Variants in WDFY3 observed in about 807,000 individuals in gnomAD.
WDFY3 encodes WD repeat and FYVE domain-containing protein 3.
Under a neutral mutation model 409.6 loss-of-function variants are expected in WDFY3, and 66 were observed. The ratio of observed to expected loss-of-function variants is 0.16; its 90% CI spans 0.13 to 0.20. The LOEUF is 0.20. Among genes scored for constraint, WDFY3 ranks in the 10% least tolerant of loss-of-function variants. WDFY3 has a pLI of 1.00. For synonymous variants in WDFY3, 1,521 were observed against 1,537.1 expected (o/e 0.99, Z 0.25); for missense variants, 3,031 against 4,298.1 (o/e 0.71, Z 8.24).
At chr4:84,937,253 A>AT (rs1324838706) in intron 1 of WDFY3, among the ~76,000 whole-genome samples, 6 of 152,114 alleles carry the variant, frequency 3.9e-5, no homozygotes, top group Non-Finnish European at 2.9e-5. Flanking sequence ...TATCTGCAGC[A>AT]TTTGGCATGA....
At chr4:84,722,881 T>A (rs1304187132) in intron 46 of WDFY3, among the ~76,000 whole-genome samples, 4 of 152,148 alleles carry the variant, frequency 2.6e-5, no homozygotes, top group Non-Finnish European at 5.9e-5. Context: ...TTTGAACAAG[T>A]GTAATAAGTA....
rs370834101 is a variant in WDFY3, at chr4:84,740,240, G to A, written c.6411C>T (p.Asp2137=). Residue 2137 remains aspartate, a synonymous_variant, in exon 39 of 68, where the codon GAC becomes GAT. Coordinates refer to ENST00000295888, the MANE Select transcript of WDFY3 (RefSeq NM_014991.6). ...GGGCCAGACAGCTAATGAATTCTTGGTCATGGTTCCCAGGTCCCAGGATCA... is the reference window on the plus strand; with the variant it reads ...GGGCCAGACAGCTAATGAATTCTTGATCATGGTTCCCAGGTCCCAGGATCA... ...RNLILGPGNH[D]QEFISCLAHC... is the part of the protein sequence containing the mutation. The A allele has an allele frequency of 4.5e-5, 72 of 1,613,896 alleles. No individual in the cohort carries two copies. Among genetic ancestry groups the A allele is most frequent in the Admixed American group, 1.2e-4 (7 of 59,970 alleles).
intron 49 of WDFY3, among the ~76,000 whole-genome samples, chr4:84,716,249 A>AAC (rs1733880153): frequency 7.1e-6 from 1 of 140,936 alleles, no homozygotes. Context: ...CATCCTGGCT[A>AAC]ACATGGTGAA....
intron 13 of WDFY3, 86 bp downstream of exon 13, chr4:84,817,306 C>T: frequency 6.6e-7 from 1 of 1,516,106 alleles, no homozygotes; most frequent in African/African-American, 1.4e-5. Flanking sequence ...TTTTTAATTT[C>T]CCTGTCTCTA....
intron 56 of WDFY3, among the ~76,000 whole-genome samples, chr4:84,699,159 C>A (rs1162502114): frequency 6.6e-6 from 1 of 152,004 alleles, no homozygotes; most frequent in East Asian, 1.9e-4. Context: ...CTATCTAGTC[C>A]CAAAGCATTT....
rs371122887 is a variant in WDFY3, at chr4:84,766,407, T to C, written c.4850-35A>G. 9 of 1,541,466 alleles carry C rather than the reference T, an allele frequency of 5.8e-6. No homozygotes were observed. The East Asian group carries it at 1.4e-4, about 24-fold the overall frequency. On this transcript the variant is annotated intron_variant, in intron 30 of 67. Transcript: ENST00000295888. ...AAATAAATACATTAAATCTCCCTAG[T>C]AGATAAGCTAAAAGAAAATTTACAA...
chr4:84,959,231 T>C (rs954057403), intron 1 of WDFY3, among the ~76,000 whole-genome samples: 3 of 152,136 alleles, frequency 2.0e-5, no homozygotes, highest in Non-Finnish European at 2.9e-5. Flanking sequence ...GAGTTTTTTA[T>C]AGACTGCAAC....
At chr4:84,818,784 T>G (rs1753674091) in intron 12 of WDFY3, among the ~76,000 whole-genome samples, 1 of 152,118 alleles carries the variant, frequency 6.6e-6, no homozygotes, top group African/African-American at 2.4e-5. Context: ...AGTAACATCT[T>G]TCATACTGGG....
At position 84,691,702 on chromosome 4, in the gene WDFY3, T is replaced by C. The variant is rs757493000; in HGVS notation, c.9133A>G (p.Thr3045Ala). 1.5e-5 allele frequency: 24 copies of C among 1,614,016 alleles called. No individual in the cohort carries two copies. The highest frequency in any genetic ancestry group is 1.2e-4 in the African/African-American group (9 of 74,914). The change falls in exon 60 of 68, where the codon ACC becomes GCC. Residue 3045 changes from threonine to alanine, a missense_variant. Thr to Ala is a moderately conservative substitution (Grantham distance 58). This residue lies in a region of WDFY3 where 152 missense variants were observed against 193.5 expected (regional missense o/e 0.79). Transcript: ENST00000295888. ...VEQNKVLIPPTWNKTFAWGYA... is the reference protein window; with the variant it reads ...VEQNKVLIPPAWNKTFAWGYA... ...CCCCAAGCAAAAGTTTTATTCCAGGTTGGTGGGATAAGAACCTTATTCTGT... is the reference window on the plus strand; with the variant it reads ...CCCCAAGCAAAAGTTTTATTCCAGGCTGGTGGGATAAGAACCTTATTCTGT...
intron 44 of WDFY3, among the ~76,000 whole-genome samples, chr4:84,730,063 GGT>G (rs1560613625): frequency 2.6e-5 from 4 of 152,110 alleles, no homozygotes; most frequent in Non-Finnish European, 5.9e-5. Flanking sequence ...TCAGGGCAGA[GGT>G]GGATTTACTA....
intron 3 of WDFY3, among the ~76,000 whole-genome samples, chr4:84,872,870 GC>G (rs1762306882): frequency 6.6e-6 from 1 of 152,250 alleles, no homozygotes; most frequent in Admixed American, 6.5e-5. Flanking sequence ...TTTAAAAAAA[GC>G]AGGATGCAGT....
chr4:84,785,880 T>G (rs1560755466), intron 24 of WDFY3, 99 bp downstream of exon 24: 1 of 1,427,630 alleles, frequency 7.0e-7, no homozygotes, highest in East Asian at 2.4e-5. Context: ...AGGCATGATT[T>G]TTAGCAGTCA....
intron 21 of WDFY3, among the ~76,000 whole-genome samples, chr4:84,791,417 T>C (rs1165042228): frequency 6.6e-6 from 1 of 152,096 alleles, no homozygotes; most frequent in Non-Finnish European, 1.5e-5. Context: ...AATGGGGAGT[T>C]ACTAATCAAA....
At position 84,740,295 on chromosome 4, in the gene WDFY3, G is replaced by A. The variant is rs769979930; in HGVS notation, c.6356C>T (p.Ser2119Leu). The A allele has an allele frequency of 6.2e-7, 1 of 1,613,952 alleles. No homozygotes were observed. The highest frequency in any genetic ancestry group is 2.2e-5 in the East Asian group (1 of 44,850). ...TCTGTTTACAGTGAGGACCCTGAGTGAATCAAGCAGAGCTACTTGCTGAGG... is the reference window on the plus strand; with the variant it reads ...TCTGTTTACAGTGAGGACCCTGAGTAAATCAAGCAGAGCTACTTGCTGAGG... Reference protein sequence around the residue: ...TVPQQVALLDSLRVLTVNRNL... With the variant: ...TVPQQVALLDLLRVLTVNRNL... Residue 2119 changes from serine to leucine, a missense_variant, in exon 39 of 68, where the codon TCA (serine) becomes TTA (leucine). Ser to Leu is a moderately radical substitution (Grantham distance 145). Coordinates refer to ENST00000295888, the MANE Select transcript of WDFY3 (RefSeq NM_014991.6).
Position 84,810,349 on chromosome 4 carries a change from A to C in WDFY3, c.1888-5T>G, listed in dbSNP as rs376150569. On this transcript the variant is annotated splice_polypyrimidine_tract_variant and splice_region_variant and intron_variant, in intron 13 of 67. Coordinates refer to ENST00000295888, the MANE Select transcript of WDFY3 (RefSeq NM_014991.6). ...TCGAAGGACCGACAGGAGGGCCTAC[A>C]GGAGACAAAAGAAAAAACAAATGAA... 5 of 1,528,350 alleles carry C rather than the reference A, an allele frequency of 3.3e-6. No homozygotes were observed. The highest frequency in any genetic ancestry group is 1.7e-4 in the Middle Eastern group (1 of 5,756). 94.7% of individuals were successfully genotyped at this position (1,528,350 alleles called of 1,614,324 possible). A position where few individuals can be genotyped will look rare whatever the true frequency, so the allele number is the denominator to read the frequency against.
intron 35 of WDFY3, among the ~76,000 whole-genome samples, chr4:84,752,554 C>G (rs543529527): frequency 1.3e-5 from 2 of 149,224 alleles, no homozygotes; most frequent in South Asian, 4.2e-4. Context: ...AAGATGCTGA[C>G]AAGGAAAAGA....
At chr4:84,951,246 T>C (rs2151117766) in intron 1 of WDFY3, among the ~76,000 whole-genome samples, 1 of 152,358 alleles carries the variant, frequency 6.6e-6, no homozygotes, top group South Asian at 2.1e-4. Flanking sequence ...AACATGTTTA[T>C]CTTCTATTTT....
intron 1 of WDFY3, among the ~76,000 whole-genome samples, chr4:84,955,079 TG>T (rs1774072874): frequency 6.6e-6 from 1 of 152,016 alleles, no homozygotes; most frequent in Non-Finnish European, 1.5e-5. Flanking sequence ...GTGGCATGCC[TG>T]TAGTCTTAGC....
At chr4:84,756,182 T>G (rs1181947694) in intron 33 of WDFY3, among the ~76,000 whole-genome samples, 2 of 152,178 alleles carry the variant, frequency 1.3e-5, no homozygotes, top group Non-Finnish European at 2.9e-5. Flanking sequence ...AAGTAATTTT[T>G]TTTTCCTAAT....
Sources: allele counts gnomAD v4.1 joint callset (sites outside exome capture counted in the v4.1 genomes callset), GRCh38; gene constraint gnomAD v4.1.1; regional missense constraint gnomAD v4.1.1; transcripts MANE v1.5; gene names NCBI Gene and HGNC (gene_info 2026-07-23, HGNC 2026-07-21).